ADAMTS20: variants seen among roughly 807,000 people sequenced by gnomAD.
ADAMTS20 encodes the protein A disintegrin and metalloproteinase with thrombospondin motifs 20.
In ADAMTS20, 225 loss-of-function variants were observed where a neutral mutation model predicts 260.1. That is an observed-to-expected ratio of 0.87 (90% CI 0.78 to 0.97). ADAMTS20 has a LOEUF of 0.97. Ranked by LOEUF, ADAMTS20 falls within the 50% of genes least tolerant of loss-of-function variation. The pLI, the probability that ADAMTS20 is intolerant of heterozygous loss-of-function variation, is 0.00. For synonymous variants in ADAMTS20, 802 were observed against 769.5 expected, an observed-to-expected ratio of 1.04 and a Z score of -0.70; for missense variants, 2,400 against 2,337.7, an observed-to-expected ratio of 1.03 and a Z score of -0.55.
intron 11 of ADAMTS20, 116 bp from the exon 12 acceptor site, chr12:43,454,168 G>A (rs1941923535): frequency 1.7e-6 from 2 of 1,153,940 alleles, no homozygotes; most frequent in African/African-American, 1.6e-5. Context: ...TTTGAAGCTA[G>A]CTGTTATTAA....
At chr12:43,464,145 A>G (rs1331784394) in intron 10 of ADAMTS20, among the ~76,000 whole-genome samples, 1 of 152,126 alleles carries the variant, frequency 6.6e-6, no homozygotes, top group Non-Finnish European at 1.5e-5. Flanking sequence ...GAAAAACTAA[A>G]CAATATGCCC....
chr12:43,377,673 T>C, intron 31 of ADAMTS20, 111 bp from the exon 32 acceptor site: 2 of 842,938 alleles, frequency 2.4e-6, no homozygotes, highest in Non-Finnish European at 3.5e-6. Context: ...AACAATCCTA[T>C]TTAATTAGCT....
In ADAMTS20 at chr12:43,383,550, T is replaced by G. The variant is rs750972475; in HGVS notation, c.4797+8A>C. Reference sequence around the variant, plus strand: ...GCAAAAATTCTCAACTTCCTTTCTTTACCTTACCTGTGATGAGTCTGCTGT... The same window carrying G: ...GCAAAAATTCTCAACTTCCTTTCTTGACCTTACCTGTGATGAGTCTGCTGT... On this transcript the variant is annotated splice_region_variant and intron_variant, in intron 31 of 38. Transcript: ENST00000389420. 1.3e-6 allele frequency: 2 copies of G among 1,591,642 alleles called. No homozygotes were observed. Among genetic ancestry groups the G allele is most frequent in the Non-Finnish European group, 1.7e-6 (2 of 1,169,704 alleles).
chr12:43,397,461 G>A (rs767305482), intron 29 of ADAMTS20, among the ~76,000 whole-genome samples: 1 of 152,120 alleles, frequency 6.6e-6, no homozygotes, highest in African/African-American at 2.4e-5. Flanking sequence ...ACAGACTCAG[G>A]AACAGATGAT....
At chr12:43,361,261 G>T (rs1453209001) in intron 37 of ADAMTS20, among the ~76,000 whole-genome samples, 1 of 152,200 alleles carries the variant, frequency 6.6e-6, no homozygotes, top group African/African-American at 2.4e-5. Context: ...CATCTGGAGA[G>T]TATTCATGCA....
intron 4 of ADAMTS20, among the ~76,000 whole-genome samples, chr12:43,495,924 C>T (rs148047622): frequency 1.6e-4 from 25 of 152,154 alleles, no homozygotes; most frequent in African/African-American, 3.6e-4. Context: ...ATAGGATATA[C>T]GTATACCTTT....
rs1942781293 is a variant in ADAMTS20, at chr12:43,502,369, G to A, written c.650C>T (p.Thr217Ile). The change falls in exon 4 of 39, where the codon ACC becomes ATC. Residue 217 changes from threonine to isoleucine, a missense_variant. Thr to Ile is a moderately conservative substitution (Grantham distance 89, BLOSUM62 -1). Coordinates refer to ENST00000389420, the MANE Select transcript of ADAMTS20 (RefSeq NM_025003.5). ...AAGATCTTCATTCATGTTGCTGTAG[G>A]TATGAAAGGGTAAACTGGTTTCCTT... is the stretch of plus-strand genomic sequence containing the variant. ...QIKETSLPFH[T>I]YSNMNEDLNV... 2.5e-6 allele frequency: 4 copies of A among 1,602,806 alleles called. No homozygotes were observed. The East Asian group carries it at 9.0e-5, about 36-fold the overall frequency.
intron 36 of ADAMTS20, among the ~76,000 whole-genome samples, chr12:43,373,768 C>T (rs961014135): frequency 9.5e-5 from 14 of 146,918 alleles, no homozygotes; most frequent in African/African-American, 3.3e-4. Context: ...CAAGCTCCGC[C>T]TCCTGGGTTC....
chr12:43,537,195 A>G (rs900905900), intron 2 of ADAMTS20, among the ~76,000 whole-genome samples: 13 of 151,154 alleles, frequency 8.6e-5, no homozygotes, highest in Admixed American at 5.3e-4. Context: ...TCAGCCTCCC[A>G]TAACTGGCGG....
intron 11 of ADAMTS20, among the ~76,000 whole-genome samples, chr12:43,460,988 A>ATATATATATATTTTTTTTTT: frequency 3.8e-5 from 1 of 26,394 alleles, no homozygotes; most frequent in Non-Finnish European, 6.7e-5. Context: ...ATATATATAT[A>ATATATATATATTTTTTTTTT]TTTTTTTTTT....
At chr12:43,436,226 A>G (rs1941552123) in intron 18 of ADAMTS20, among the ~76,000 whole-genome samples, 1 of 152,222 alleles carries the variant, frequency 6.6e-6, no homozygotes, top group Non-Finnish European at 1.5e-5. Flanking sequence ...TTCATGACAT[A>G]GAACCCAAGA....
rs549610125 is a variant in ADAMTS20 at position 43,428,200 on chromosome 12, C to A, written c.3945+41G>T. ...TACCTGTTAAAAGGATGTAATATAA[C>A]AAAATTACAGAATTAATATAACTCA... On this transcript the variant is annotated intron_variant, in intron 26 of 38. Transcript: ENST00000389420. The A allele has an allele frequency of 2.5e-6, 4 of 1,590,224 alleles. No individual in the cohort carries two copies. In the East Asian group the frequency reaches 8.9e-5, roughly 36 times the overall value.
At chr12:43,457,555 A>G (rs1941986603) in intron 11 of ADAMTS20, among the ~76,000 whole-genome samples, 2 of 152,340 alleles carry the variant, frequency 1.3e-5, no homozygotes, top group Non-Finnish European at 2.9e-5. Context: ...CCAAAACTGA[A>G]TTCCTGCCTT....
chr12:43,518,509 G>A (rs995564789), intron 3 of ADAMTS20, among the ~76,000 whole-genome samples: 1 of 152,080 alleles, frequency 6.6e-6, no homozygotes, highest in East Asian at 1.9e-4. Flanking sequence ...ATGCCCCATA[G>A]TTCAGTCTTT....
intron 18 of ADAMTS20, among the ~76,000 whole-genome samples, chr12:43,437,296 T>A (rs1248870876): frequency 6.6e-6 from 1 of 152,154 alleles, no homozygotes; most frequent in East Asian, 1.9e-4. Context: ...AGTTTAGGAA[T>A]GTGAACTAGT....
Position 43,416,669 on chromosome 12 carries a change from C to T in ADAMTS20, c.4284+8845G>A, listed in dbSNP as rs534309484. Among the ~76,000 whole-genome samples, 401 of 152,084 alleles carry T rather than the reference C, an allele frequency of 2.6e-3. 6 individuals are homozygous for T. Among genetic ancestry groups the T allele is most frequent in the Non-Finnish European group, 7.9e-4 (54 of 67,982 alleles). On this transcript the variant is annotated intron_variant, in intron 28 of 38. Transcript: ENST00000389420. The stretch of plus-strand genomic sequence containing the variant: ...CCGAGTAGCTGGGACTACAGGCGCC[C>T]GCCACCACGCCCGGCTAATTTTTTT...
At chr12:43,358,645 T>C (rs1343653081) in intron 37 of ADAMTS20, among the ~76,000 whole-genome samples, 2 of 151,672 alleles carry the variant, frequency 1.3e-5, no homozygotes, top group Admixed American at 6.6e-5. Context: ...GAGACCATCC[T>C]GGCTAACACG....
intron 7 of ADAMTS20, among the ~76,000 whole-genome samples, chr12:43,489,387 A>T (rs1942569739): frequency 6.6e-6 from 1 of 152,058 alleles, no homozygotes; most frequent in Non-Finnish European, 1.5e-5. Context: ...AGTTATCAAG[A>T]ATACCTGAAA....
chr12:43,373,800 C>T, intron 36 of ADAMTS20, among the ~76,000 whole-genome samples: 1 of 149,424 alleles, frequency 6.7e-6, no homozygotes. Flanking sequence ...CTGCCTCAGC[C>T]TCCCAAGTAG....
Sources: gnomAD v4.1 joint callset for allele counts (sites outside exome capture counted in the v4.1 genomes callset) on GRCh38, gnomAD v4.1.1 for gene constraint, MANE v1.5 for transcripts, NCBI Gene and HGNC (gene_info 2026-07-23, HGNC 2026-07-21) for gene names.